NRXN1: variants seen among roughly 807,000 people sequenced by gnomAD.
NRXN1 encodes the protein neurexin 1.
In NRXN1, 39 loss-of-function variants were observed where a neutral mutation model predicts 150.9. The observed-to-expected ratio is 0.26, with a 90% confidence interval of 0.20 to 0.34. The LOEUF is 0.34. Among genes scored for constraint, NRXN1 ranks in the 10% least tolerant of loss-of-function variants. The probability of loss-of-function intolerance (pLI) is 1.00; values close to 1 mark genes in which losing one functional copy is unlikely to be tolerated. For missense variants in NRXN1, 1,815 were observed against 1,949.9 expected (o/e 0.93, Z 1.30); for synonymous variants, 924 against 757.0 (o/e 1.22, Z -3.62).
chr2:50,424,722 G>A (rs2084340925), intron 17 of NRXN1, among the ~76,000 whole-genome samples: 1 of 152,050 alleles, frequency 6.6e-6, no homozygotes, highest in Non-Finnish European at 1.5e-5. Context: ...AAGAATTCAG[G>A]AATTCAGCAC....
At chr2:50,783,624 T>C (rs1704651708) in intron 5 of NRXN1, among the ~76,000 whole-genome samples, 1 of 152,172 alleles carries the variant, frequency 6.6e-6, no homozygotes, top group Admixed American at 6.6e-5. Flanking sequence ...CTTTTCCACA[T>C]TGTATCCACT....
chr2:49,978,107 A>G (rs112126476), intron 21 of NRXN1, among the ~76,000 whole-genome samples: 2,993 of 152,236 alleles, frequency 0.02, 108 homozygotes, highest in African/African-American at 0.068. Flanking sequence ...GGTTGCAGTG[A>G]GCTGAGATTG....
chr2:49,929,569 G>A (rs1669754996), intron 22 of NRXN1, among the ~76,000 whole-genome samples: 1 of 152,100 alleles, frequency 6.6e-6, no homozygotes, highest in South Asian at 2.1e-4. Flanking sequence ...ATTTGTCAAA[G>A]GAAGTTAGAG....
intron 18 of NRXN1, among the ~76,000 whole-genome samples, chr2:50,221,241 A>G (rs2063863722): frequency 6.6e-6 from 1 of 152,036 alleles, no homozygotes; most frequent in Admixed American, 6.6e-5. Context: ...ATCAAAACAC[A>G]CTGAAATCTG....
chr2:50,591,135 T>A (rs1280719100), intron 8 of NRXN1, among the ~76,000 whole-genome samples: 1 of 152,064 alleles, frequency 6.6e-6, no homozygotes, highest in Non-Finnish European at 1.5e-5. Flanking sequence ...GGAGATGAAA[T>A]AGAATAGAGC....
chr2:50,655,256 TA>T (rs75184388), intron 5 of NRXN1, among the ~76,000 whole-genome samples: 1 of 151,470 alleles, frequency 6.6e-6, no homozygotes, highest in Non-Finnish European at 1.5e-5. Flanking sequence ...TTTTCAAAAT[TA>T]AAAAAAACAC....
intron 18 of NRXN1, among the ~76,000 whole-genome samples, chr2:50,183,840 G>T (rs2060896743): frequency 2.0e-5 from 3 of 151,812 alleles, no homozygotes; most frequent in South Asian, 4.1e-4. Context: ...AGATTAGTTT[G>T]CATTTACAGA....
At chr2:50,111,904 C>T (rs1193253964) in intron 18 of NRXN1, among the ~76,000 whole-genome samples, 1 of 152,114 alleles carries the variant, frequency 6.6e-6, no homozygotes, top group Non-Finnish European at 1.5e-5. Context: ...TAGCACAATA[C>T]ACTAACTTCA....
At chr2:50,935,970 T>C (rs991892007) in intron 2 of NRXN1, among the ~76,000 whole-genome samples, 2 of 152,166 alleles carry the variant, frequency 1.3e-5, no homozygotes, top group Non-Finnish European at 2.9e-5. Flanking sequence ...TTAATGATTA[T>C]AGAAAACTGA....
intron 17 of NRXN1, among the ~76,000 whole-genome samples, chr2:50,350,517 T>A (rs530443483): frequency 6.6e-6 from 1 of 152,284 alleles, no homozygotes; most frequent in South Asian, 2.1e-4. Flanking sequence ...CGTTTGCCAT[T>A]CTCTGCGTGT....
At chr2:50,155,747 ATAAG>A (rs1444856941) in intron 18 of NRXN1, among the ~76,000 whole-genome samples, 2 of 151,612 alleles carry the variant, frequency 1.3e-5, no homozygotes, top group Non-Finnish European at 3.0e-5. Context: ...ACCTCTGCCT[ATAAG>A]TAAGAGATGC....
intron 13 of NRXN1, among the ~76,000 whole-genome samples, chr2:50,504,122 C>A (rs946978463): frequency 9.6e-6 from 1 of 103,670 alleles, no homozygotes. Flanking sequence ...TTAAAGGAGG[C>A]TAAAGAAACA....
intron 5 of NRXN1, among the ~76,000 whole-genome samples, chr2:50,636,246 C>T (rs969484110): frequency 6.6e-6 from 1 of 152,016 alleles, no homozygotes; most frequent in African/African-American, 2.4e-5. Flanking sequence ...AAAATATTTG[C>T]TATTTATTTA....
chr2:50,257,976 GAAAC>G (rs2067877501), intron 17 of NRXN1, among the ~76,000 whole-genome samples: 2 of 151,932 alleles, frequency 1.3e-5, no homozygotes, highest in Non-Finnish European at 2.9e-5. Flanking sequence ...CATTATGTCT[GAAAC>G]AAACAATGTA....
At chr2:50,303,412 T>G (rs1294143467) in intron 17 of NRXN1, among the ~76,000 whole-genome samples, 2 of 152,202 alleles carry the variant, frequency 1.3e-5, no homozygotes, top group African/African-American at 4.8e-5. Flanking sequence ...GAAACTCATG[T>G]AAGTTTTATT....
intron 8 of NRXN1, among the ~76,000 whole-genome samples, chr2:50,580,693 A>G (rs1202173365): frequency 6.6e-6 from 1 of 152,074 alleles, no homozygotes. Context: ...CACATTCTAG[A>G]TATCTGAAAA....
At chr2:50,873,090 T>C (rs1024255050) in intron 5 of NRXN1, among the ~76,000 whole-genome samples, 2 of 152,054 alleles carry the variant, frequency 1.3e-5, no homozygotes, top group East Asian at 2.0e-4. Flanking sequence ...CTTAGAATTC[T>C]AGTTCCACCA....
At chr2:49,946,970 A>C (rs147007244) in intron 21 of NRXN1, among the ~76,000 whole-genome samples, 143 of 152,286 alleles carry the variant, frequency 9.4e-4, no homozygotes, top group African/African-American at 3.2e-3. Flanking sequence ...TTTAAAAAGA[A>C]AGCTTTAAAA....
intron 8 of NRXN1, chr2:50,616,631 G>A (rs765641213): frequency 1.3e-5 from 2 of 152,006 alleles, no homozygotes; most frequent in Non-Finnish European, 2.9e-5. Context: ...TAATCCTGCT[G>A]GACCCCCTTA....
Sources: allele counts gnomAD v4.1 joint callset (sites outside exome capture counted in the v4.1 genomes callset), GRCh38; gene constraint gnomAD v4.1.1; transcripts MANE v1.5; gene names NCBI Gene and HGNC (gene_info 2026-07-23, HGNC 2026-07-21).